PSG2: variants seen among roughly 807,000 people sequenced by gnomAD.
PSG2 encodes the protein pregnancy specific beta-1-glycoprotein 2, also known as pregnancy-specific beta-1-glycoprotein 2.
Under a neutral mutation model 36.2 loss-of-function variants are expected in PSG2, and 49 were observed. The observed-to-expected ratio is 1.35, with a 90% CI of 1.08 to 1.72. The LOEUF is 1.72. Among genes scored for constraint, PSG2 ranks in the 40% most tolerant of loss-of-function variants. The probability of loss-of-function intolerance (pLI) is 0.00; values close to 1 mark genes in which losing one functional copy is unlikely to be tolerated. For synonymous variants in PSG2, 261 were observed against 155.6 expected, an observed-to-expected ratio of 1.68 and a Z score of -5.04; for missense variants, 605 against 407.2, an observed-to-expected ratio of 1.49 and a Z score of -4.18.
intron 3 of PSG2, among the ~76,000 whole-genome samples, chr19:43,073,603 C>A (rs891199336): frequency 6.6e-6 from 1 of 151,694 alleles, no homozygotes; most frequent in Non-Finnish European, 1.5e-5. Flanking sequence ...CTGGGTTCGA[C>A]TACTCTAGGG....
In PSG2 at chr19:43,081,096, A is replaced by G. The variant is rs1967966107; in HGVS notation, c.215T>C (p.Ile72Thr). 1 of 1,612,646 alleles carries G rather than the reference A, an allele frequency of 6.2e-7. No individual in the cohort carries two copies. The highest frequency in any genetic ancestry group is 1.7e-5 in the Admixed American group (1 of 59,910). ...LTGYIWYKGQ[I>T]RDLYHYITSY... ...TGTAATGTAATGGTAGAGGTCCCTG[A>G]TTTGCCCTTTGTACCAGATGTAGCC... is the stretch of plus-strand genomic sequence containing the variant. Residue 72 changes from isoleucine (I) to threonine (T), a missense_variant, in exon 2 of 6, where the codon ATC (isoleucine) becomes ACC (threonine). Physicochemically the swap from Ile to Thr is moderately conservative, Grantham distance 89. Coordinates refer to ENST00000406487, the MANE Select transcript of PSG2 (RefSeq NM_031246.4).
At chr19:43,074,513 T>A (rs1271160793) in intron 3 of PSG2, among the ~76,000 whole-genome samples, 2 of 151,734 alleles carry the variant, frequency 1.3e-5, no homozygotes, top group African/African-American at 4.9e-5. Flanking sequence ...TGTTAGTGTA[T>A]AGTCTAAAGA....
intron 3 of PSG2, among the ~76,000 whole-genome samples, chr19:43,074,337 T>C (rs1197851007): frequency 1.3e-5 from 2 of 151,760 alleles, no homozygotes; most frequent in African/African-American, 4.9e-5. Flanking sequence ...AAATGAAATG[T>C]CTTTCCATAT....
At position 43,066,731 on chromosome 19, in the gene PSG2, T is replaced by A. The variant is rs1204696434; in HGVS notation, c.965-131A>T. 3.8e-5 allele frequency: 52 copies of A among 1,363,476 alleles called. 1 individual carries two copies. The highest frequency in any genetic ancestry group is 5.0e-5 in the Non-Finnish European group (50 of 991,852). The allele number at this position is 1,363,476 out of a possible 1,614,324, so 84.5% of individuals were successfully genotyped here. A position where few individuals can be genotyped will look rare whatever the true frequency, so the allele number is the denominator to read the frequency against. The stretch of plus-strand genomic sequence containing the variant: ...AAGGACCACATTATTTCTCTTGGAA[T>A]ATTGATGGGAGATGATTATATTCTT... On this transcript the variant is annotated intron_variant, in intron 4 of 5. Coordinates refer to ENST00000406487, the MANE Select transcript of PSG2 (RefSeq NM_031246.4).
rs772237889 is a variant in PSG2 at position 43,081,009 on chromosome 19, G to A, written c.302C>T (p.Ala101Val). 34 of 1,612,986 alleles carry A rather than the reference G, an allele frequency of 2.1e-5. No individual in the cohort carries two copies. Among genetic ancestry groups the A allele is most frequent in the South Asian group, 1.9e-4 (17 of 91,032 alleles). ...GATCAGCAGGGATGCATTGGAATATGCTGTTTCTCGTCCACTATATGCAGG... is the reference window on the plus strand; with the variant it reads ...GATCAGCAGGGATGCATTGGAATATACTGTTTCTCGTCCACTATATGCAGG... ...YGPAYSGRETAYSNASLLIQN... is the reference protein window; with the variant it reads ...YGPAYSGRETVYSNASLLIQN... Residue 101 changes from alanine to valine, a missense_variant, in exon 2 of 6, where the codon GCA (alanine) becomes GTA (valine). Physicochemically the swap from Ala to Val is moderately conservative, Grantham distance 64. Transcript: ENST00000406487.
In PSG2 at chr19:43,080,845, T is replaced by C. The variant is rs761886618; in HGVS notation, c.430+36A>G. 4.3e-5 allele frequency: 70 copies of C among 1,611,740 alleles called. 1 individual carries two copies. The South Asian group carries it at 6.7e-4, about 15-fold the overall frequency. ...GTGTGTGAAGTAGAAATGACCCCTGTCCCCCAACACCCAGGGATCATGTGG... is the reference window on the plus strand; with the variant it reads ...GTGTGTGAAGTAGAAATGACCCCTGCCCCCCAACACCCAGGGATCATGTGG... On this transcript the variant is annotated intron_variant, in intron 2 of 5. Transcript: ENST00000406487.
At position 43,081,038 on chromosome 19, in the gene PSG2, A is replaced by T. The variant is rs757741624; in HGVS notation, c.273T>A (p.Tyr91Ter). The T allele has an allele frequency of 7.4e-6, 12 of 1,612,860 alleles. No individual in the cohort carries two copies. The highest frequency in any genetic ancestry group is 9.3e-6 in the Non-Finnish European group (11 of 1,179,680). ...TTTCTCGTCCACTATATGCAGGCCC[A>T]TATATAATTATTTGACCGTCTACTA... ...SYVVDGQIII[Y>*]GPAYSGRETA... Residue 91 changes from tyrosine to a stop codon, truncating the protein, a stop_gained, in exon 2 of 6, where the codon TAT (tyrosine) becomes TAA (stop). Coordinates refer to ENST00000406487, the MANE Select transcript of PSG2 (RefSeq NM_031246.4). LOFTEE classifies it high-confidence loss of function.
intron 3 of PSG2, among the ~76,000 whole-genome samples, chr19:43,073,469 G>C (rs1967848082): frequency 6.6e-6 from 1 of 150,818 alleles, no homozygotes; most frequent in Non-Finnish European, 1.5e-5. Flanking sequence ...CTGGTGGAAA[G>C]GGTGGGAATG....
chr19:43,075,491 T>G lies in PSG2; in HGVS notation c.572A>C (p.His191Pro). ...GTTGGTTTCGGACAGCTGAAACCTATGAGTCATAGGGAGGCTCTGACCATT... is the reference window on the plus strand; with the variant it reads ...GTTGGTTTCGGACAGCTGAAACCTAGGAGTCATAGGGAGGCTCTGACCATT... ...WMNGQSLPMT[H>P]RFQLSETNRT... The change falls in exon 3 of 6, where the codon CAT becomes CCT. Residue 191 changes from histidine to proline, a missense_variant. Physicochemically the swap from His to Pro is moderately conservative, Grantham distance 77 (BLOSUM62 -2). Coordinates refer to ENST00000406487, the MANE Select transcript of PSG2 (RefSeq NM_031246.4). The G allele has an allele frequency of 6.2e-7, 1 of 1,613,186 alleles. No homozygotes were observed. The highest frequency in any genetic ancestry group is 8.5e-7 in the Non-Finnish European group (1 of 1,179,686).
chr19:43,079,897 C>T (rs763984152), intron 2 of PSG2, among the ~76,000 whole-genome samples: 5 of 151,596 alleles, frequency 3.3e-5, no homozygotes, highest in Non-Finnish European at 7.4e-5. Context: ...CCTCATGTGA[C>T]CCTGATCTCC....
intron 4 of PSG2, among the ~76,000 whole-genome samples, chr19:43,070,274 T>C (rs1455143567): frequency 2.0e-5 from 3 of 151,754 alleles, no homozygotes; most frequent in South Asian, 2.1e-4. Context: ...TTATAGCCAC[T>C]GTAAAAATTG....
chr19:43,076,066 G>T (rs1967891830), intron 2 of PSG2, among the ~76,000 whole-genome samples: 1 of 151,730 alleles, frequency 6.6e-6, no homozygotes, highest in South Asian at 2.1e-4. Flanking sequence ...GGACATCCAA[G>T]AGATGAATGA....
intron 2 of PSG2, among the ~76,000 whole-genome samples, chr19:43,078,538 G>A (rs1303343198): frequency 6.6e-6 from 1 of 151,642 alleles, no homozygotes; most frequent in Non-Finnish European, 1.5e-5. Context: ...GGCTCAGCCA[G>A]TCATGTGGTC....
rs2122908875 is a variant in PSG2 at position 43,075,529 on chromosome 19, G to A, written c.534C>T (p.Tyr178=). ...TCDPETPDTS[Y]QWWMNGQSLP... ...GGCTCTGACCATTCATCCACCACTG[G>A]TAGCTTGTGTCCGGAGTCTCAGGAT... The change falls in exon 3 of 6, where the codon TAC becomes TAT. Residue 178 remains tyrosine (Y), a synonymous_variant. Coordinates refer to ENST00000406487, the MANE Select transcript of PSG2 (RefSeq NM_031246.4). 6.2e-7 allele frequency: 1 copy of A among 1,613,292 alleles called. No homozygotes were observed. Among genetic ancestry groups the A allele is most frequent in the Non-Finnish European group, 8.5e-7 (1 of 1,179,774 alleles).
intron 4 of PSG2, among the ~76,000 whole-genome samples, chr19:43,068,397 C>T (rs1967770817): frequency 6.7e-6 from 1 of 149,780 alleles, no homozygotes; most frequent in Non-Finnish European, 1.5e-5. Context: ...CATAATCACA[C>T]AACTGTATTC....
At position 43,071,738 on chromosome 19, in the gene PSG2, C is replaced by T; in HGVS notation, c.926G>A (p.Gly309Asp). The T allele has an allele frequency of 6.2e-7, 1 of 1,612,974 alleles. No homozygotes were observed. Among genetic ancestry groups the T allele is most frequent in the Non-Finnish European group, 8.5e-7 (1 of 1,179,464 alleles). Residue 309 changes from glycine (G) to aspartate (D), a missense_variant, in exon 4 of 6, where the codon GGC becomes GAC. Gly to Asp is a moderately conservative substitution (Grantham distance 94, BLOSUM62 -1). Coordinates refer to ENST00000406487, the MANE Select transcript of PSG2 (RefSeq NM_031246.4). The part of the protein sequence containing the change: ...YVCSVRNSAT[G>D]EESSTSLTVK... ...TGTCAACGATGTGGAGCTTTCCTCG[C>T]CAGTGGCTGAGTTACGAACAGAGCA...
intron 3 of PSG2, chr19:43,072,737 T>C: frequency 1.3e-6 from 2 of 1,535,756 alleles, no homozygotes; most frequent in Non-Finnish European, 1.8e-6. Context: ...ACCTGAGTCC[T>C]TGAAAGCCAA....
Position 43,081,131 on chromosome 19 carries a change from C to G in PSG2, c.180G>C (p.Gln60His), listed in dbSNP as rs1451437252. Residue 60 changes from glutamine (Q) to histidine (H), a missense_variant, in exon 2 of 6, where the codon CAG becomes CAC. Physicochemically the swap from Gln to His is conservative, Grantham distance 24. Coordinates refer to ENST00000406487, the MANE Select transcript of PSG2 (RefSeq NM_031246.4). Reference sequence around the variant, plus strand: ...TGTACCAGATGTAGCCAGTAAGATTCTGGGGCAAATTGTGGACAAGTAGAA... The same window carrying G: ...TGTACCAGATGTAGCCAGTAAGATTGTGGGGCAAATTGTGGACAAGTAGAA... ...DVLLLVHNLP[Q>H]NLTGYIWYKG... 1 of 1,612,782 alleles carries G rather than the reference C, an allele frequency of 6.2e-7. No individual in the cohort carries two copies. The highest frequency in any genetic ancestry group is 1.3e-5 in the African/African-American group (1 of 74,306).
intron 1 of PSG2, 144 bp from the exon 2 acceptor site, chr19:43,081,390 CACACACA>C (rs1967973132): frequency 1.6e-6 from 2 of 1,237,200 alleles, no homozygotes; most frequent in East Asian, 3.9e-5. Context: ...CACACACACA[CACACACA>C]CAAAAGGGGC....
Sources: gnomAD v4.1 joint callset for allele counts (sites outside exome capture counted in the v4.1 genomes callset) on GRCh38, gnomAD v4.1.1 for gene constraint, MANE v1.5 for transcripts, NCBI Gene and HGNC (gene_info 2026-07-23, HGNC 2026-07-21) for gene names.